PRDM1: variants seen among roughly 807,000 people sequenced by gnomAD.
The protein encoded by PRDM1 is PR domain zinc finger protein 1.
Under a neutral mutation model 62.8 loss-of-function variants are expected in PRDM1, and 13 were observed. The observed-to-expected ratio is 0.21, with a 90% CI of 0.13 to 0.33. The LOEUF is 0.33. PRDM1 is among the 10% of genes least tolerant of loss of function. The pLI is 1.00. For synonymous variants in PRDM1, 396 were observed against 417.6 expected (o/e 0.95, Z 0.63); for missense variants, 895 against 1,058.8 (o/e 0.85, Z 2.15).
chr6:106,030,278 C>T (rs1272114719), intron 1 of PRDM1, among the ~76,000 whole-genome samples: 2 of 152,134 alleles, frequency 1.3e-5, no homozygotes, highest in African/African-American at 4.8e-5. Flanking sequence ...AAGCAGTCTT[C>T]CCACCTTGAC....
chr6:106,108,889 TA>T lies in PRDM1; in HGVS notation c.*1406del. The stretch of plus-strand genomic sequence containing the variant: ...TTGCTTCTCTAGAGGAGAAACCGAG[TA>T]AATGTGCTCCAGCAAGATAGACTTT... On this transcript the variant is annotated 3_prime_UTR_variant, in exon 7 of 7. Transcript: ENST00000369096. The T allele has an allele frequency of 4.3e-6, 1 of 231,442 alleles. No individual in the cohort carries two copies. The highest frequency in any genetic ancestry group is 6.1e-5 in the East Asian group (1 of 16,356). The allele number at this position is 231,442 out of a possible 1,614,324, so 14.3% of individuals were successfully genotyped here. A position where few individuals can be genotyped will look rare whatever the true frequency, so the allele number is the denominator to read the frequency against.
At chr6:106,098,700 C>CA (rs1562169766) in intron 3 of PRDM1, 1 of 1,377,986 alleles carries the variant, frequency 7.3e-7, no homozygotes, top group South Asian at 1.2e-5. Flanking sequence ...ACCTTTGCCC[C>CA]ACCCAGTGTT....
rs1190637310 is a variant in PRDM1, at chr6:106,105,237, G to A, written c.1077G>A (p.Thr359=). The A allele has an allele frequency of 3.1e-6, 5 of 1,613,552 alleles. No individual in the cohort carries two copies. The highest frequency in any genetic ancestry group is 3.4e-6 in the Non-Finnish European group (4 of 1,179,990). The change falls in exon 5 of 7, where the codon ACG becomes ACA. Residue 359 remains threonine (T), a synonymous_variant. Coordinates refer to ENST00000369096, the MANE Select transcript of PRDM1 (RefSeq NM_001198.4). ...SSSPHSSPGN[T]VSPVGPGSQE... ...GCCCTCACAGCAGCCCTGGGAATAC[G>A]GTGTCCCCTGTGGGCCCCGGCTCTC...
chr6:106,007,197 C>CGAGGAGGGCGGATCACGAGGT (rs1297537122), intron 1 of PRDM1, among the ~76,000 whole-genome samples: 3 of 151,700 alleles, frequency 2.0e-5, no homozygotes, highest in African/African-American at 7.3e-5. Context: ...TTTGGGAGGC[C>CGAGGAGGGCGGATCACGAGGT]GAGGAGGGCG....
chr6:106,058,781 G>A (rs1773301785), intron 1 of PRDM1, among the ~76,000 whole-genome samples: 1 of 152,072 alleles, frequency 6.6e-6, no homozygotes, highest in Non-Finnish European at 1.5e-5. Context: ...TGTTGGTCAG[G>A]CTGGTCTTGA....
chr6:106,065,332 C>G (rs1225733253), intron 1 of PRDM1, among the ~76,000 whole-genome samples: 1 of 152,076 alleles, frequency 6.6e-6, no homozygotes, highest in Admixed American at 6.5e-5. Context: ...TTCTTGAGTA[C>G]CTACTATGAT....
upstream of PRDM1, chr6:106,086,318 AG>A (rs1487295429): frequency 3.0e-5 from 13 of 440,170 alleles, no homozygotes; most frequent in Admixed American, 8.1e-5. Context: ...TTAAGCAGGG[AG>A]GGGAAGCCAG....
Position 106,105,745 on chromosome 6 carries a change from G to T in PRDM1, c.1585G>T (p.Val529Leu). ...AACAGCCGCCACGGCAGAACATGTG[G>T]TGCAGCCCAAAGCTACCTCAGCAGC... ...AGTAATAEHV[V>L]QPKATSAAMA... Residue 529 changes from valine (V) to leucine (L), a missense_variant, in exon 5 of 7, where the codon GTG (valine) becomes TTG (leucine). By Grantham distance (32) the Val-to-Leu change is conservative. This residue lies in a region of PRDM1 where 444 missense variants were observed against 422.7 expected (regional missense o/e 1.05). Coordinates refer to ENST00000369096, the MANE Select transcript of PRDM1 (RefSeq NM_001198.4). 6.2e-7 allele frequency: 1 copy of T among 1,614,124 alleles called. No homozygotes were observed. The highest frequency in any genetic ancestry group is 2.2e-5 in the East Asian group (1 of 44,880).
chr6:106,102,728 G>A (rs1774310030), intron 4 of PRDM1, among the ~76,000 whole-genome samples: 1 of 152,154 alleles, frequency 6.6e-6, no homozygotes, highest in Admixed American at 6.5e-5. Flanking sequence ...TAGAACCAAG[G>A]GAGTGTGGAA....
At chr6:106,093,107 A>G (rs1465416727) in intron 2 of PRDM1, among the ~76,000 whole-genome samples, 2 of 152,154 alleles carry the variant, frequency 1.3e-5, no homozygotes, top group African/African-American at 2.4e-5. Context: ...TGCCTGTTGA[A>G]TTGAATTTGT....
chr6:106,102,345 G>C (rs1562171828), intron 4 of PRDM1, among the ~76,000 whole-genome samples: 1 of 152,222 alleles, frequency 6.6e-6, no homozygotes, highest in Non-Finnish European at 1.5e-5. Flanking sequence ...GCTGAAGGAT[G>C]ATTTTTTAAA....
intron 1 of PRDM1, among the ~76,000 whole-genome samples, chr6:106,029,345 T>G (rs1052513077): frequency 6.6e-6 from 1 of 152,258 alleles, no homozygotes; most frequent in Non-Finnish European, 1.5e-5. Flanking sequence ...TATTTTGCCA[T>G]GTGAATATCC....
chr6:106,041,947 A>G (rs1246473566), intron 1 of PRDM1, among the ~76,000 whole-genome samples: 3 of 150,254 alleles, frequency 2.0e-5, no homozygotes, highest in African/African-American at 7.3e-5. Flanking sequence ...AGCTCAGACC[A>G]CAGGTGCATG....
intron 2 of PRDM1, 41 bp downstream of exon 2, chr6:106,088,490 T>C: frequency 6.2e-7 from 1 of 1,612,276 alleles, no homozygotes; most frequent in Non-Finnish European, 8.5e-7. Context: ...GGGGACCTGG[T>C]GCCAAATCTC....
intron 1 of PRDM1, among the ~76,000 whole-genome samples, chr6:106,067,542 A>C (rs1447226471): frequency 6.6e-6 from 1 of 152,228 alleles, no homozygotes; most frequent in East Asian, 1.9e-4. Context: ...ATAAGACATA[A>C]AAAGGACTGA....
upstream of PRDM1, among the ~76,000 whole-genome samples, chr6:106,084,391 A>T (rs906954947): frequency 2.6e-5 from 4 of 152,216 alleles, no homozygotes; most frequent in African/African-American, 9.6e-5. Flanking sequence ...GTGCAGGCTG[A>T]TATTAATTAA....
At chr6:106,036,231 C>T (rs765311892) in intron 1 of PRDM1, among the ~76,000 whole-genome samples, 1 of 152,098 alleles carries the variant, frequency 6.6e-6, no homozygotes, top group Non-Finnish European at 1.5e-5. Context: ...TTACTGGAAC[C>T]TCTCCGTCCT....
chr6:105,993,510 G>T (rs1205278415), exon 1 of PRDM1, among the ~76,000 whole-genome samples: 1 of 152,190 alleles, frequency 6.6e-6, no homozygotes, highest in Non-Finnish European at 1.5e-5. Flanking sequence ...TGCTTTCTAG[G>T]TTCATCTAGG....
At chr6:106,096,046 A>T (rs1030706890) in intron 3 of PRDM1, 9 of 243,776 alleles carry the variant, frequency 3.7e-5, no homozygotes, top group Non-Finnish European at 7.3e-5. Context: ...ATTTCTCCGC[A>T]AGGAAGTAGT....
Sources: allele counts gnomAD v4.1 joint callset (sites outside exome capture counted in the v4.1 genomes callset), GRCh38; gene constraint gnomAD v4.1.1; regional missense constraint gnomAD v4.1.1; transcripts MANE v1.5; gene names NCBI Gene and HGNC (gene_info 2026-07-23, HGNC 2026-07-21).